The following PTPRD variants were observed in gnomAD, a reference collection of about 807,000 sequenced individuals.
The protein encoded by PTPRD is protein tyrosine phosphatase receptor type D.
In PTPRD, 34 loss-of-function variants were observed where a neutral mutation model predicts 214.5. The observed-to-expected ratio is 0.16, with a 90% CI of 0.12 to 0.21. PTPRD has a LOEUF of 0.21. Ranked by LOEUF, PTPRD falls within the 10% of genes least tolerant of loss-of-function variation. PTPRD has a pLI of 1.00. For synonymous variants in PTPRD, 1,128 were observed against 845.7 expected, an observed-to-expected ratio of 1.33 and a Z score of -5.79; for missense variants, 2,545 against 2,398.7, an observed-to-expected ratio of 1.06 and a Z score of -1.27.
chr9:10,327,710 C>T (rs1020014526), intron 3 of PTPRD, among the ~76,000 whole-genome samples: 18 of 151,606 alleles, frequency 1.2e-4, no homozygotes, highest in Middle Eastern at 3.4e-3. Flanking sequence ...TATTTTTTTT[C>T]CACTTTCCAA....
At chr9:10,213,001 A>G (rs1360142432) in intron 3 of PTPRD, among the ~76,000 whole-genome samples, 4 of 152,134 alleles carry the variant, frequency 2.6e-5, no homozygotes, top group Non-Finnish European at 5.9e-5. Flanking sequence ...TCTAATAGTT[A>G]CCCTTGTATC....
At chr9:9,005,170 T>G (rs1487871572) in intron 11 of PTPRD, among the ~76,000 whole-genome samples, 2 of 152,070 alleles carry the variant, frequency 1.3e-5, no homozygotes, top group Non-Finnish European at 2.9e-5. Context: ...TTAGAGGAGC[T>G]TAATAATAAG....
chr9:9,689,573 T>A (rs780015970), intron 7 of PTPRD, among the ~76,000 whole-genome samples: 8 of 151,882 alleles, frequency 5.3e-5, no homozygotes, highest in Non-Finnish European at 1.0e-4. Context: ...GATTTATCGA[T>A]ACTAGGACTT....
In PTPRD at chr9:9,054,174, C is replaced by A. The variant is rs887378378; in HGVS notation, c.-142-35439G>T. Among the ~76,000 whole-genome samples, 8 of 152,304 alleles carry A rather than the reference C, an allele frequency of 5.3e-5. No homozygotes were observed. In the South Asian group the frequency reaches 6.2e-4, roughly 12 times the overall value. ...TCACAACAATCCTATAAGGCAAGTTCTGTTACCATCTCAACCATCTCAATT... is the reference window on the plus strand; with the variant it reads ...TCACAACAATCCTATAAGGCAAGTTATGTTACCATCTCAACCATCTCAATT... On this transcript the variant is annotated intron_variant, in intron 10 of 45. Transcript: ENST00000381196.
At chr9:10,589,934 G>C (rs1017558661) in intron 2 of PTPRD, among the ~76,000 whole-genome samples, 1 of 152,006 alleles carries the variant, frequency 6.6e-6, no homozygotes, top group South Asian at 2.1e-4. Context: ...AATTTAATTT[G>C]TTATTACTAT....
At chr9:9,974,133 G>A (rs1382719214) in intron 4 of PTPRD, among the ~76,000 whole-genome samples, 2 of 152,178 alleles carry the variant, frequency 1.3e-5, no homozygotes, top group Non-Finnish European at 2.9e-5. Flanking sequence ...AATAAATGGA[G>A]AAGCCATCCT....
At chr9:10,029,225 G>T (rs1271455273) in intron 4 of PTPRD, among the ~76,000 whole-genome samples, 1 of 152,166 alleles carries the variant, frequency 6.6e-6, no homozygotes, top group African/African-American at 2.4e-5. Flanking sequence ...CTGCAGGGGT[G>T]GGGTGCTCAT....
At chr9:9,094,579 T>C (rs2154434103) in intron 10 of PTPRD, among the ~76,000 whole-genome samples, 1 of 152,268 alleles carries the variant, frequency 6.6e-6, no homozygotes, top group African/African-American at 2.4e-5. Context: ...CAGTGTACAC[T>C]GCTCAGGTGA....
At chr9:9,680,884 T>C (rs904185987) in intron 7 of PTPRD, among the ~76,000 whole-genome samples, 4 of 151,852 alleles carry the variant, frequency 2.6e-5, no homozygotes, top group African/African-American at 9.7e-5. Context: ...CTTACTGTTA[T>C]GAGCATTAAT....
rs142221043 is a variant in PTPRD at position 10,246,293 on chromosome 9, G to A, written c.-545+94670C>T. 2.9e-3 allele frequency among the ~76,000 whole-genome samples: 437 copies of A among 152,274 alleles called. 3 individuals are homozygous for A. The highest frequency in any genetic ancestry group is 0.01 in the African/African-American group (425 of 41,556). ...AGTTTCGCTCTTGTTGCCCCGGCTG[G>A]AGTGCAATAGCTCGGTCTTGGCTCA... On this transcript the variant is annotated intron_variant, in intron 3 of 45. Transcript: ENST00000381196.
At chr9:9,237,637 T>A (rs1266369213) in intron 9 of PTPRD, among the ~76,000 whole-genome samples, 1 of 151,706 alleles carries the variant, frequency 6.6e-6, no homozygotes, top group Admixed American at 6.6e-5. Flanking sequence ...TTTGCAATAA[T>A]TTTTTTTTAA....
At chr9:9,691,670 C>T (rs1415288317) in intron 7 of PTPRD, among the ~76,000 whole-genome samples, 1 of 151,912 alleles carries the variant, frequency 6.6e-6, no homozygotes, top group Non-Finnish European at 1.5e-5. Flanking sequence ...TGTATGACAG[C>T]TATATTTTTA....
chr9:9,924,444 T>A (rs1325947690), intron 5 of PTPRD, among the ~76,000 whole-genome samples: 1 of 152,068 alleles, frequency 6.6e-6, no homozygotes, highest in African/African-American at 2.4e-5. Flanking sequence ...TACTAGATCA[T>A]GAGCTCCTAT....
intron 2 of PTPRD, among the ~76,000 whole-genome samples, chr9:10,419,564 A>G (rs555030717): frequency 6.6e-6 from 1 of 152,020 alleles, no homozygotes; most frequent in East Asian, 2.0e-4. Context: ...AGGTCAGAAT[A>G]TACATGATAT....
chr9:8,882,767 C>T (rs1370108169), intron 11 of PTPRD, among the ~76,000 whole-genome samples: 1 of 151,300 alleles, frequency 6.6e-6, no homozygotes. Flanking sequence ...TGCCTGCAGT[C>T]TCAACTACTC....
At chr9:9,907,164 G>GGTT (rs113451588) in intron 5 of PTPRD, among the ~76,000 whole-genome samples, 2 of 151,372 alleles carry the variant, frequency 1.3e-5, no homozygotes, top group Admixed American at 6.6e-5. Context: ...CCAAACTCCA[G>GGTT]GTTTTTGTTT....
At chr9:8,713,588 T>C (rs979236915) in intron 12 of PTPRD, 1 of 1,521,252 alleles carries the variant, frequency 6.6e-7, no homozygotes, top group Non-Finnish European at 9.1e-7. Flanking sequence ...ACCCACAACA[T>C]GTACCGGGAA....
intron 10 of PTPRD, among the ~76,000 whole-genome samples, chr9:9,149,289 C>G (rs1302456497): frequency 6.6e-6 from 1 of 152,202 alleles, no homozygotes; most frequent in East Asian, 1.9e-4. Context: ...GCACATAGTA[C>G]ACACTGAAAA....
chr9:9,338,362 G>A (rs953868231), intron 9 of PTPRD, among the ~76,000 whole-genome samples: 2 of 152,140 alleles, frequency 1.3e-5, no homozygotes, highest in African/African-American at 4.8e-5. Flanking sequence ...ATAGGTATCT[G>A]AAAGGCATAT....
Sources: allele counts gnomAD v4.1 joint callset (sites outside exome capture counted in the v4.1 genomes callset), GRCh38; gene constraint gnomAD v4.1.1; transcripts MANE v1.5; gene names NCBI Gene and HGNC (gene_info 2026-07-23, HGNC 2026-07-21).